Variants in DCP1A observed in about 807,000 individuals in gnomAD.
DCP1A encodes the protein mRNA-decapping enzyme 1A.
A neutral mutation model predicts 58.0 loss-of-function variants in DCP1A; 20 were observed. The ratio of observed to expected loss-of-function variants is 0.34; its 90% CI spans 0.24 to 0.50. The LOEUF is 0.50. DCP1A is among the 20% of genes least tolerant of loss of function. DCP1A has a pLI of 0.98. For missense variants in DCP1A, 613 were observed against 712.2 expected (o/e 0.86, Z 1.59); for synonymous variants, 285 against 275.1 (o/e 1.04, Z -0.36).
At position 53,292,458 on chromosome 3, in the gene DCP1A, G is replaced by C. The variant is rs34229192; in HGVS notation, c.994C>G (p.Pro332Ala). 1.9e-6 allele frequency: 3 copies of C among 1,613,888 alleles called. No homozygotes were observed. Among genetic ancestry groups the C allele is most frequent in the African/African-American group, 2.7e-5 (2 of 74,920 alleles). ...GTGCTGTTTCGAGGTAAGCTGGGGGGAACCTGTGCAGTAGGAGCTTCAGCT... is the reference window on the plus strand; with the variant it reads ...GTGCTGTTTCGAGGTAAGCTGGGGGCAACCTGTGCAGTAGGAGCTTCAGCT... ...LPAEAPTAQVPPSLPRNSTMM... is the reference protein window; with the variant it reads ...LPAEAPTAQVAPSLPRNSTMM... Residue 332 changes from proline (P) to alanine (A), a missense_variant, in exon 7 of 10, where the codon CCC (proline) becomes GCC (alanine). Around this residue, in one of 3 missense-constraint regions of DCP1A, gnomAD observed 498 missense variants for 556.7 expected, o/e 0.89. Transcript: ENST00000610213.
chr3:53,288,432 C>G, intron 8 of DCP1A, 149 bp from the exon 9 acceptor site: 1 of 620,832 alleles, frequency 1.6e-6, no homozygotes, highest in Non-Finnish European at 2.8e-6. Context: ...TCAGTAGGAA[C>G]ATGTGAACAT....
chr3:53,321,962 T>C (rs1707980852), intron 3 of DCP1A, among the ~76,000 whole-genome samples: 1 of 152,110 alleles, frequency 6.6e-6, no homozygotes, highest in Non-Finnish European at 1.5e-5. Context: ...ATATAGGAAA[T>C]AGAAGTGCTA....
At chr3:53,314,832 C>T (rs1214760113) in intron 4 of DCP1A, among the ~76,000 whole-genome samples, 6 of 151,608 alleles carry the variant, frequency 4.0e-5, no homozygotes, top group South Asian at 2.1e-4. Flanking sequence ...CTATCATGCC[C>T]GGCTAATTTT....
At chr3:53,325,660 G>A (rs2106864309) in intron 3 of DCP1A, among the ~76,000 whole-genome samples, 1 of 152,280 alleles carries the variant, frequency 6.6e-6, no homozygotes, top group Admixed American at 6.5e-5. Flanking sequence ...CAAGTGAAAA[G>A]GCAAATACCT....
At position 53,304,191 on chromosome 3, in the gene DCP1A, C is replaced by G; in HGVS notation, c.610G>C (p.Gly204Arg). ...STETLEEMPS[G>R]SQDKSAPSGH... ...GCTGTACAAACCTTATCCTGTGACC[C>G]GGAGGGCATTTCTTCTAGAGTCTCG... Residue 204 changes from glycine (G) to arginine (R), a missense_variant, in exon 6 of 10, where the codon GGG becomes CGG. By Grantham distance (125) the Gly-to-Arg change is moderately radical. Around this residue, in one of 3 missense-constraint regions of DCP1A, gnomAD observed 498 missense variants for 556.7 expected, o/e 0.89. Coordinates refer to ENST00000610213, the MANE Select transcript of DCP1A (RefSeq NM_018403.7). The G allele has an allele frequency of 6.2e-7, 1 of 1,612,644 alleles. No individual in the cohort carries two copies. The highest frequency in any genetic ancestry group is 1.1e-5 in the South Asian group (1 of 91,046).
chr3:53,286,389 A>G lies in DCP1A; in HGVS notation c.*1191T>C, dbSNP rs1706635014. 6.6e-6 allele frequency: 1 copy of G among 152,238 alleles called. No individual in the cohort carries two copies. Among genetic ancestry groups the G allele is most frequent in the African/African-American group, 2.4e-5 (1 of 41,472 alleles). The allele number at this position is 152,238 out of a possible 1,614,324, so 9.4% of individuals were successfully genotyped here. ...ATTCAAAGAATATCTTAAAATTACT[A>G]TTGCTGAAATAAATCAAAATCTACA... On this transcript the variant is annotated 3_prime_UTR_variant, in exon 10 of 10. Coordinates refer to ENST00000610213, the MANE Select transcript of DCP1A (RefSeq NM_018403.7).
At chr3:53,326,777 A>G (rs576469271) in intron 3 of DCP1A, among the ~76,000 whole-genome samples, 1 of 152,364 alleles carries the variant, frequency 6.6e-6, no homozygotes, top group African/African-American at 2.4e-5. Context: ...GGTGAGTTGC[A>G]TAATTATTTC....
chr3:53,288,189 G>A lies in DCP1A; in HGVS notation c.1544C>T (p.Ser515Leu), dbSNP rs1327662273. ...SVFQQTVTRS[S>L]DLERKASSPS... Reference sequence around the variant, plus strand: ...GGAGCTGGCTTTCCTCTCAAGGTCCGAAGATCTTGTAACTGTCTGCTGGAA... The same window carrying A: ...GGAGCTGGCTTTCCTCTCAAGGTCCAAAGATCTTGTAACTGTCTGCTGGAA... Residue 515 changes from serine to leucine, a missense_variant, in exon 9 of 10, where the codon TCG becomes TTG. Coordinates refer to ENST00000610213, the MANE Select transcript of DCP1A (RefSeq NM_018403.7). 5.6e-6 allele frequency: 9 copies of A among 1,613,880 alleles called. No homozygotes were observed. The highest frequency in any genetic ancestry group is 2.7e-5 in the African/African-American group (2 of 74,920).
chr3:53,313,381 T>C (rs936440493), intron 4 of DCP1A, among the ~76,000 whole-genome samples: 5 of 150,424 alleles, frequency 3.3e-5, no homozygotes, highest in Admixed American at 6.6e-5. Flanking sequence ...ATCACACTAC[T>C]GCACTCCAGC....
chr3:53,288,612 G>T (rs949895336), intron 8 of DCP1A, among the ~76,000 whole-genome samples: 6 of 152,172 alleles, frequency 3.9e-5, no homozygotes, highest in South Asian at 2.1e-4. Flanking sequence ...AAATGTAAAG[G>T]CTTTTTGGGA....
chr3:53,331,173 A>G (rs975066780), intron 3 of DCP1A, among the ~76,000 whole-genome samples: 1 of 152,144 alleles, frequency 6.6e-6, no homozygotes, highest in East Asian at 1.9e-4. Context: ...GCAATATTGA[A>G]ATAGTTTTTG....
intron 7 of DCP1A, 59 bp downstream of exon 7, chr3:53,292,010 G>GT: frequency 6.6e-7 from 1 of 1,521,996 alleles, no homozygotes; most frequent in South Asian, 1.3e-5. Context: ...GGTCTCTGTA[G>GT]TTTCATCCCA....
chr3:53,287,504 C>T lies in DCP1A; in HGVS notation c.*76G>A. The T allele has an allele frequency of 1.0e-6, 1 of 953,922 alleles. No homozygotes were observed. Among genetic ancestry groups the T allele is most frequent in the Non-Finnish European group, 1.7e-6 (1 of 596,228 alleles). The allele number at this position is 953,922 out of a possible 1,614,324, so 59.1% of individuals were successfully genotyped here. A position where few individuals can be genotyped will look rare whatever the true frequency, so the allele number is the denominator to read the frequency against. The stretch of plus-strand genomic sequence containing the variant: ...TTTCAGGATTCTCAAACTCAATGTT[C>T]TGCTCAGAAGTTTCCATGATGAAGC... On this transcript the variant is annotated 3_prime_UTR_variant, in exon 10 of 10. Coordinates refer to ENST00000610213, the MANE Select transcript of DCP1A (RefSeq NM_018403.7).
intron 6 of DCP1A, among the ~76,000 whole-genome samples, chr3:53,299,059 G>C (rs782226247): frequency 6.6e-6 from 1 of 152,132 alleles, no homozygotes; most frequent in Non-Finnish European, 1.5e-5. Context: ...TATGATGTTC[G>C]GAGAATGAAA....
chr3:53,294,805 C>T (rs1707060810), intron 6 of DCP1A, among the ~76,000 whole-genome samples: 1 of 152,182 alleles, frequency 6.6e-6, no homozygotes, highest in East Asian at 1.9e-4. Context: ...ACCCAGCACA[C>T]AGGAAGTGTG....
intron 8 of DCP1A, chr3:53,290,497 C>A: frequency 1.8e-6 from 1 of 556,786 alleles, no homozygotes; most frequent in South Asian, 2.2e-5. Context: ...TCTGCCAGGA[C>A]GGGGTGGGAG....
At chr3:53,347,359 T>C in intron 1 of DCP1A, 24 bp downstream of exon 1, 1 of 1,538,406 alleles carries the variant, frequency 6.5e-7, no homozygotes, top group Non-Finnish European at 8.7e-7. Context: ...CGGGTGGCCG[T>C]CCTCAGGGCC....
At chr3:53,328,162 G>A (rs943979277) in intron 3 of DCP1A, among the ~76,000 whole-genome samples, 1 of 151,978 alleles carries the variant, frequency 6.6e-6, no homozygotes, top group African/African-American at 2.4e-5. Context: ...AGCTGAGCAT[G>A]CCTGGAAGCA....
intron 3 of DCP1A, among the ~76,000 whole-genome samples, chr3:53,327,323 T>C (rs561917157): frequency 6.6e-6 from 1 of 152,296 alleles, no homozygotes; most frequent in South Asian, 2.1e-4. Context: ...GTGATGAAAA[T>C]GTCTTACCTA....
Sources: allele counts gnomAD v4.1 joint callset (sites outside exome capture counted in the v4.1 genomes callset), GRCh38; gene constraint gnomAD v4.1.1; regional missense constraint gnomAD v4.1.1; transcripts MANE v1.5; gene names NCBI Gene and HGNC (gene_info 2026-07-23, HGNC 2026-07-21).